The following TBC1D31 variants were observed in gnomAD, a reference collection of about 807,000 sequenced individuals.
TBC1D31 encodes TBC1 domain family member 31.
TBC1D31 carries 99 observed loss-of-function variants against 132.9 expected under a neutral mutation model. That is an observed-to-expected ratio of 0.74 (90% CI 0.63 to 0.88). The LOEUF (loss-of-function observed/expected upper bound fraction) is 0.88. TBC1D31 is among the 40% of genes least tolerant of loss of function. The probability of loss-of-function intolerance (pLI) is 0.00; values close to 1 mark genes in which losing one functional copy is unlikely to be tolerated. For synonymous variants in TBC1D31, 385 were observed against 419.4 expected, an observed-to-expected ratio of 0.92 and a Z score of 1.00; for missense variants, 1,134 against 1,256.6, an observed-to-expected ratio of 0.90 and a Z score of 1.48.
intron 5 of TBC1D31, among the ~76,000 whole-genome samples, chr8:123,096,426 C>G (rs1816846293): frequency 6.6e-6 from 1 of 152,252 alleles, no homozygotes; most frequent in African/African-American, 2.4e-5. Context: ...GAATACTGAT[C>G]AGGATAGAAT....
At chr8:123,124,310 T>C (rs1819805487) in intron 11 of TBC1D31, among the ~76,000 whole-genome samples, 1 of 152,228 alleles carries the variant, frequency 6.6e-6, no homozygotes, top group Non-Finnish European at 1.5e-5. Context: ...GTCTCTTTTA[T>C]GACCAGACAT....
chr8:123,156,347 G>A (rs140933999), downstream of TBC1D31, among the ~76,000 whole-genome samples: 8 of 151,680 alleles, frequency 5.3e-5, no homozygotes, highest in East Asian at 1.6e-3. Flanking sequence ...AGGTTGAGGC[G>A]GGACAATTGG....
chr8:123,094,783 C>T (rs1054588434), intron 5 of TBC1D31, among the ~76,000 whole-genome samples: 33 of 152,200 alleles, frequency 2.2e-4, no homozygotes, highest in South Asian at 8.3e-4. Context: ...TCTGGTGATC[C>T]GCCTGCCTCA....
At position 123,095,092 on chromosome 8, in the gene TBC1D31, A is replaced by G. The variant is rs753379649; in HGVS notation, c.671+1350A>G. The stretch of plus-strand genomic sequence containing the variant: ...TATTCTGGATTTTGCTCTTGTCTTC[A>G]TGTGGTATTGTTTAATATGATCCTC... On this transcript the variant is annotated intron_variant, in intron 5 of 21. Coordinates refer to ENST00000287380, the MANE Select transcript of TBC1D31 (RefSeq NM_145647.4). Among the ~76,000 whole-genome samples, 9 of 151,720 alleles carry G rather than the reference A, an allele frequency of 5.9e-5. 1 individual carries two copies. Among genetic ancestry groups the G allele is most frequent in the Middle Eastern group, 6.3e-3 (2 of 316 alleles).
At chr8:123,081,356 T>C (rs546389582) in intron 2 of TBC1D31, among the ~76,000 whole-genome samples, 6 of 147,176 alleles carry the variant, frequency 4.1e-5, no homozygotes, top group Non-Finnish European at 8.9e-5. Flanking sequence ...CTACTTCTGC[T>C]ACTACTACCT....
At chr8:123,144,423 G>A (rs1821984414) in intron 19 of TBC1D31, among the ~76,000 whole-genome samples, 1 of 152,184 alleles carries the variant, frequency 6.6e-6, no homozygotes, top group Admixed American at 6.5e-5. Context: ...CATAAGATTT[G>A]AGATTTGAAA....
chr8:123,120,224 T>A, intron 11 of TBC1D31, 36 bp downstream of exon 11: 1 of 1,523,312 alleles, frequency 6.6e-7, no homozygotes, highest in South Asian at 1.2e-5. Flanking sequence ...AGATCAAGAA[T>A]GGATTCTTAT....
chr8:123,151,754 C>A, intron 21 of TBC1D31, 52 bp from the exon 22 acceptor site: 1 of 1,493,966 alleles, frequency 6.7e-7, no homozygotes, highest in Non-Finnish European at 8.9e-7. Context: ...TGCTGTATCA[C>A]CGCTAACATC....
rs746842514 is a variant in TBC1D31, at chr8:123,140,743, T to A, written c.2500-18T>A. On this transcript the variant is annotated intron_variant, in intron 17 of 21. Transcript: ENST00000287380. The stretch of plus-strand genomic sequence containing the variant: ...GTTATATAAATTAGTGATTTTTTTT[T>A]ACAAATGATTTTAACAGAATCTTAC... 1.1e-5 allele frequency: 17 copies of A among 1,582,886 alleles called. No individual in the cohort carries two copies. In the South Asian group the frequency reaches 2.0e-4, roughly 18 times the overall value.
At chr8:123,101,154 C>G (rs540629561) in intron 7 of TBC1D31, 147 bp downstream of exon 7, 24 of 607,706 alleles carry the variant, frequency 3.9e-5, no homozygotes, top group Non-Finnish European at 6.5e-5. Flanking sequence ...ACTCCCAAAG[C>G]CACATCTCTG....
At chr8:123,077,070 A>G in intron 1 of TBC1D31, 41 bp from the exon 2 acceptor site, 3 of 1,539,624 alleles carry the variant, frequency 1.9e-6, no homozygotes, top group South Asian at 2.5e-5. Flanking sequence ...ATCAAGTAAT[A>G]CGTGACATAG....
chr8:123,120,259 T>C, intron 11 of TBC1D31, 71 bp downstream of exon 11: 1 of 1,272,726 alleles, frequency 7.9e-7, no homozygotes, highest in Non-Finnish European at 1.1e-6. Flanking sequence ...TCTTTGCACC[T>C]TTGCAACATT....
chr8:123,076,170 G>A (rs189165174), intron 1 of TBC1D31, among the ~76,000 whole-genome samples: 13 of 152,200 alleles, frequency 8.5e-5, no homozygotes. Flanking sequence ...CATGATCATG[G>A]CTCACTGAAG....
chr8:123,113,307 C>T (rs561840256), intron 10 of TBC1D31, among the ~76,000 whole-genome samples: 1 of 152,200 alleles, frequency 6.6e-6, no homozygotes, highest in Non-Finnish European at 1.5e-5. Flanking sequence ...ATGCTTCTTC[C>T]TTATCCCCAG....
chr8:123,080,140 T>C (rs1814981778), intron 2 of TBC1D31, among the ~76,000 whole-genome samples: 1 of 152,212 alleles, frequency 6.6e-6, no homozygotes, highest in African/African-American at 2.4e-5. Context: ...TATCCAGGTA[T>C]TAGTATGAGA....
chr8:123,150,076 G>A lies in TBC1D31; in HGVS notation c.3015G>A (p.Leu1005=). Residue 1005 remains leucine, a synonymous_variant, in exon 21 of 22, where the codon TTG becomes TTA. Coordinates refer to ENST00000287380, the MANE Select transcript of TBC1D31 (RefSeq NM_145647.4). The stretch of plus-strand genomic sequence containing the variant: ...AAAATGAACAGGACTCAAGCTGTTT[G>A]CCTAGAACCTCACAATTAAATGACT... ...RFQNEQDSSC[L]PRTSQLNDSS... The A allele has an allele frequency of 1.2e-6, 2 of 1,614,066 alleles. No individual in the cohort carries two copies. The highest frequency in any genetic ancestry group is 1.7e-6 in the Non-Finnish European group (2 of 1,179,956).
rs752497026 is a variant in TBC1D31 at position 123,144,822 on chromosome 8, G to T, written c.2941G>T (p.Ala981Ser). 1.9e-6 allele frequency: 3 copies of T among 1,613,238 alleles called. No individual in the cohort carries two copies. The highest frequency in any genetic ancestry group is 2.5e-6 in the Non-Finnish European group (3 of 1,179,800). The change falls in exon 20 of 22, where the codon GCT (alanine) becomes TCT (serine). Residue 981 changes from alanine to serine, a missense_variant. Coordinates refer to ENST00000287380, the MANE Select transcript of TBC1D31 (RefSeq NM_145647.4). ...KWFLKQEINA[A>S]VEHAENPCHK... The stretch of plus-strand genomic sequence containing the variant: ...GTTTTTAAAGCAAGAGATAAATGCG[G>T]CTGTAGAACATGCTGAAAATCCATG...
In TBC1D31 at chr8:123,090,493, T is replaced by C. The variant is rs138718007; in HGVS notation, c.520-3098T>C. On this transcript the variant is annotated intron_variant, in intron 4 of 21. Transcript: ENST00000287380. ...GGTTCAGCAGGTATCAGAAAAGGCT[T>C]TGTGATGGATATCAGAAAACATCTA... Among the ~76,000 whole-genome samples, 137 of 152,320 alleles carry C rather than the reference T, an allele frequency of 9.0e-4. 3 individuals carry two copies. Among genetic ancestry groups the C allele is most frequent in the Non-Finnish European group, 1.0e-3 (69 of 68,018 alleles).
At chr8:123,144,163 G>A (rs917891981) in intron 19 of TBC1D31, among the ~76,000 whole-genome samples, 6 of 151,998 alleles carry the variant, frequency 3.9e-5, no homozygotes, top group South Asian at 2.1e-4. Flanking sequence ...CCAGAATTTC[G>A]GCAAACTTTA....
Sources: allele counts gnomAD v4.1 joint callset (sites outside exome capture counted in the v4.1 genomes callset), GRCh38; gene constraint gnomAD v4.1.1; transcripts MANE v1.5; gene names NCBI Gene and HGNC (gene_info 2026-07-23, HGNC 2026-07-21).